TRIOBP: variants seen among roughly 807,000 people sequenced by gnomAD.
TRIOBP encodes the protein TRIO and F-actin binding protein.
Under a neutral mutation model 238.8 loss-of-function variants are expected in TRIOBP, and 169 were observed. The observed-to-expected ratio is 0.71, with a 90% CI of 0.62 to 0.80. TRIOBP has a LOEUF of 0.80. Ranked by LOEUF, TRIOBP falls within the 30% of genes least tolerant of loss-of-function variation. The pLI is 0.00. For synonymous variants in TRIOBP, 1,150 were observed against 1,274.4 expected, an observed-to-expected ratio of 0.90 and a Z score of 2.08; for missense variants, 2,838 against 3,122.6, an observed-to-expected ratio of 0.91 and a Z score of 2.17.
chr22:37,720,706 GCTCA>G (rs1363682311), intron 6 of TRIOBP, among the ~76,000 whole-genome samples: 3 of 151,816 alleles, frequency 2.0e-5, no homozygotes, highest in African/African-American at 4.8e-5. Context: ...AGAGATGGGG[GCTCA>G]CTATGTTGCC....
intron 17 of TRIOBP, 86 bp downstream of exon 17, chr22:37,759,350 C>T: frequency 7.0e-7 from 1 of 1,422,074 alleles, no homozygotes; most frequent in Non-Finnish European, 9.9e-7. Context: ...TTTGGGAGCC[C>T]TTCCTGTGTG....
At chr22:37,710,344 C>T in intron 3 of TRIOBP, 83 bp from the exon 4 acceptor site, 8 of 1,589,086 alleles carry the variant, frequency 5.0e-6, no homozygotes, top group Non-Finnish European at 6.0e-6. Context: ...TGGAGACTCC[C>T]ACGCCACCGG....
Position 37,735,498 on chromosome 22 carries a change from A to C in TRIOBP, c.5106+56A>C, listed in dbSNP as rs376715249. ...CCAGAAAGTCAGCCCCACTCAGCCA[A>C]GTCTCCTTGGAAAAGCCTCCCCTTG... On this transcript the variant is annotated intron_variant, in intron 9 of 23. Coordinates refer to ENST00000644935, the MANE Select transcript of TRIOBP (RefSeq NM_001039141.3). 133 of 1,535,096 alleles carry C rather than the reference A, an allele frequency of 8.7e-5. No individual in the cohort carries two copies. The East Asian group carries it at 2.4e-3, about 28-fold the overall frequency.
chr22:37,749,653 C>T (rs934197544), intron 11 of TRIOBP, among the ~76,000 whole-genome samples: 2 of 151,966 alleles, frequency 1.3e-5, no homozygotes, highest in African/African-American at 4.8e-5. Context: ...AGTTTAAAAA[C>T]TCACATTGGT....
chr22:37,734,409 T>C lies in TRIOBP; in HGVS notation c.4073T>C (p.Leu1358Pro), dbSNP rs1924559500. 1.2e-6 allele frequency: 2 copies of C among 1,612,712 alleles called. No individual in the cohort carries two copies. Among genetic ancestry groups the C allele is most frequent in the Non-Finnish European group, 1.7e-6 (2 of 1,179,884 alleles). Residue 1358 changes from leucine to proline, a missense_variant, in exon 9 of 24, where the codon CTC becomes CCC. By Grantham distance (98) the Leu-to-Pro change is moderately conservative (BLOSUM62 -3). Coordinates refer to ENST00000644935, the MANE Select transcript of TRIOBP (RefSeq NM_001039141.3). The part of the protein sequence containing the change: ...SPAPSRQVTM[L>P]PAKQAELTRR... ...TCACCTCATCCCCAGGTGACCATGC[T>C]CCCTGCCAAACAGGCAGAACTGACC... is the stretch of plus-strand genomic sequence containing the variant.
chr22:37,750,855 C>T, intron 11 of TRIOBP: 1 of 415,418 alleles, frequency 2.4e-6, no homozygotes, highest in African/African-American at 2.0e-5. Context: ...TGAGCCATGC[C>T]ACCCGTTCTC....
At position 37,757,722 on chromosome 22, in the gene TRIOBP, C is replaced by T; in HGVS notation, c.5797C>T (p.Pro1933Ser). ...AGSEVISRGG[P>S]RKADGQRQAL... ...CTCTGAGGTCATCAGCCGGGGTGGCCCTCGGAAGGCGGACGGGCAGCGTCA... is the reference window on the plus strand; with the variant it reads ...CTCTGAGGTCATCAGCCGGGGTGGCTCTCGGAAGGCGGACGGGCAGCGTCA... The change falls in exon 16 of 24, where the codon CCT (proline) becomes TCT (serine). Residue 1933 changes from proline (P) to serine (S), a missense_variant. By Grantham distance (74) the Pro-to-Ser change is moderately conservative. Around this residue, in one of 5 missense-constraint regions of TRIOBP, gnomAD observed 2,096 missense variants for 2,137.4 expected, o/e 0.98. Coordinates refer to ENST00000644935, the MANE Select transcript of TRIOBP (RefSeq NM_001039141.3). 1 of 1,576,706 alleles carries T rather than the reference C, an allele frequency of 6.3e-7. No individual in the cohort carries two copies. Among genetic ancestry groups the T allele is most frequent in the Non-Finnish European group, 8.6e-7 (1 of 1,162,378 alleles).
Position 37,735,403 on chromosome 22 carries a change from C to T in TRIOBP, c.5067C>T (p.Ser1689=). 1 of 1,595,636 alleles carries T rather than the reference C, an allele frequency of 6.3e-7. No homozygotes were observed. ...AGLEQTGPLG[S]RSTAKGPSLP... ...TGGAGCAGACGGGCCCCCTGGGGAG[C>T]AGGAGCACTGCGAAGGGCCCCAGCT... The change falls in exon 9 of 24, where the codon AGC becomes AGT. Residue 1689 remains serine (S), a synonymous_variant. Transcript: ENST00000644935.
rs560835931 is a variant in TRIOBP, at chr22:37,698,157, G to A, written c.-61+461G>A. On this transcript the variant is annotated intron_variant, in intron 2 of 23. Transcript: ENST00000644935. ...AGAGGTTGCAGTGAGCCGAGATCGC[G>A]CCACTGCACTCCAGCCTGGGTGATA... Among the ~76,000 whole-genome samples the A allele has an allele frequency of 4.4e-4, 61 of 139,258 alleles. No individual in the cohort carries two copies. The South Asian group carries it at 0.013, about 29-fold the overall frequency. 91.4% of individuals were successfully genotyped at this position (139,258 alleles called of 152,430 possible).
In TRIOBP at chr22:37,724,807, C is replaced by T. The variant is rs377358503; in HGVS notation, c.2251C>T (p.Arg751Trp). 1.6e-5 allele frequency: 25 copies of T among 1,612,898 alleles called. No individual in the cohort carries two copies. The highest frequency in any genetic ancestry group is 4.0e-5 in the African/African-American group (3 of 74,720). The change falls in exon 7 of 24, where the codon CGG becomes TGG. Residue 751 changes from arginine to tryptophan, a missense_variant. This residue lies in a region of TRIOBP where 167 missense variants were observed against 200.2 expected (regional missense o/e 0.83). Transcript: ENST00000644935. ...RDNPRTSCAQ[R>W]DNPRASSPNR... ...CAACCCCAGAACATCCTGTGCCCAG[C>T]GGGACAATCCCAGAGCCTCCTCTCC...
chr22:37,728,521 C>A (rs951622648), intron 7 of TRIOBP, among the ~76,000 whole-genome samples: 4 of 151,750 alleles, frequency 2.6e-5, no homozygotes, highest in Admixed American at 2.6e-4. Context: ...AGATGACAAC[C>A]GTGTGGTCTC....
chr22:37,715,306 C>T (rs546728387), intron 5 of TRIOBP, among the ~76,000 whole-genome samples: 2 of 151,918 alleles, frequency 1.3e-5, no homozygotes, highest in South Asian at 2.1e-4. Context: ...TGAGCCACTG[C>T]GCCCTGCAGG....
intron 8 of TRIOBP, 125 bp from the exon 9 acceptor site, chr22:37,734,274 T>C: frequency 2.3e-6 from 2 of 886,468 alleles, no homozygotes; most frequent in Non-Finnish European, 3.7e-6. Context: ...GTGTACTTTT[T>C]GGCCTGCTTT....
intron 11 of TRIOBP, chr22:37,746,271 G>C: frequency 1.4e-5 from 15 of 1,088,046 alleles, no homozygotes; most frequent in Non-Finnish European, 1.7e-5. Context: ...GCAGCGTCGG[G>C]GAAAGGAAGG....
At chr22:37,763,197 C>T (rs901831405) in intron 17 of TRIOBP, among the ~76,000 whole-genome samples, 1 of 152,162 alleles carries the variant, frequency 6.6e-6, no homozygotes, top group Non-Finnish European at 1.5e-5. Context: ...GCTGGCGTAC[C>T]GTCTCCCTCT....
intron 11 of TRIOBP, among the ~76,000 whole-genome samples, chr22:37,748,741 G>C (rs186956816): frequency 6.6e-6 from 1 of 152,316 alleles, no homozygotes; most frequent in Admixed American, 6.5e-5. Flanking sequence ...AGAGGCCTCT[G>C]AGAGGGGCCA....
At position 37,775,862 on chromosome 22, in the gene TRIOBP, A is replaced by T. The variant is rs553991865; in HGVS notation, c.*2082A>T. 25 of 152,132 alleles carry T rather than the reference A, an allele frequency of 1.6e-4. No individual in the cohort carries two copies. Among genetic ancestry groups the T allele is most frequent in the African/African-American group, 5.8e-4 (24 of 41,502 alleles). The allele number at this position is 152,132 out of a possible 1,614,324, so 9.4% of individuals were successfully genotyped here. Reference sequence around the variant, plus strand: ...CCTGTCGCCATCTTCCCTCATCAATAGCTAAAAATGGCAAAGAAGAAAGAG... The same window carrying T: ...CCTGTCGCCATCTTCCCTCATCAATTGCTAAAAATGGCAAAGAAGAAAGAG... On this transcript the variant is annotated 3_prime_UTR_variant, in exon 24 of 24. Transcript: ENST00000644935.
At chr22:37,740,218 C>A (rs1034372533) in intron 10 of TRIOBP, among the ~76,000 whole-genome samples, 1 of 152,232 alleles carries the variant, frequency 6.6e-6, no homozygotes, top group Non-Finnish European at 1.5e-5. Context: ...ACCCTGGGCT[C>A]TCTCCTACCT....
intron 5 of TRIOBP, among the ~76,000 whole-genome samples, chr22:37,714,458 C>T (rs4821694): frequency 0.8 from 122,080 of 151,958 alleles, 51,338 homozygotes; most frequent in East Asian, 1. Context: ...CACCTGAAGT[C>T]AGGAGATCGA....
Sources: gnomAD v4.1 joint callset for allele counts (sites outside exome capture counted in the v4.1 genomes callset) on GRCh38, gnomAD v4.1.1 for gene constraint, gnomAD v4.1.1 regional missense constraint, MANE v1.5 for transcripts, NCBI Gene and HGNC (gene_info 2026-07-23, HGNC 2026-07-21) for gene names.